The following ABAT variants were observed in gnomAD, a reference collection of about 807,000 sequenced individuals.
The protein encoded by ABAT is 4-aminobutyrate aminotransferase.
Under a neutral mutation model 64.6 loss-of-function variants are expected in ABAT, and 45 were observed. That is an observed-to-expected ratio of 0.70 (90% CI 0.55 to 0.89). The LOEUF (loss-of-function observed/expected upper bound fraction) is 0.89, where lower values mean the gene tolerates loss of function less well. Ranked by LOEUF, ABAT falls within the 40% of genes least tolerant of loss-of-function variation. The probability of loss-of-function intolerance (pLI) is 0.00; values close to 1 mark genes in which losing one functional copy is unlikely to be tolerated. For synonymous variants in ABAT, 297 were observed against 250.5 expected, an observed-to-expected ratio of 1.19 and a Z score of -1.75; for missense variants, 633 against 658.4, an observed-to-expected ratio of 0.96 and a Z score of 0.42.
At chr16:8,716,510 G>A (rs556464233) in intron 1 of ABAT, among the ~76,000 whole-genome samples, 3 of 152,068 alleles carry the variant, frequency 2.0e-5, no homozygotes, top group Admixed American at 6.6e-5. Context: ...TTTTTCTTCT[G>A]TACCCAGGGC....
At position 8,759,927 on chromosome 16, in the gene ABAT, T is replaced by G. The variant is rs1207451246; in HGVS notation, c.366+2121T>G. On this transcript the variant is annotated intron_variant, in intron 6 of 15. Transcript: ENST00000268251. ...TCGTCTGGCTTATTTCATTCAAAATTACGTCTGGGTGATTCCTCCTGGTGT... is the reference window on the plus strand; with the variant it reads ...TCGTCTGGCTTATTTCATTCAAAATGACGTCTGGGTGATTCCTCCTGGTGT... Among the ~76,000 whole-genome samples the G allele has an allele frequency of 3.9e-5, 6 of 152,208 alleles. No individual in the cohort carries two copies. The South Asian group carries it at 1.2e-3, about 32-fold the overall frequency.
At chr16:8,742,023 G>A (rs569605881) in intron 2 of ABAT, among the ~76,000 whole-genome samples, 66 of 152,236 alleles carry the variant, frequency 4.3e-4, no homozygotes, top group South Asian at 8.3e-4. Flanking sequence ...TTCTGATAGC[G>A]CAGTTGCAAA....
intron 1 of ABAT, among the ~76,000 whole-genome samples, chr16:8,720,248 C>T (rs567625413): frequency 6.6e-6 from 1 of 152,338 alleles, no homozygotes; most frequent in African/African-American, 2.4e-5. Flanking sequence ...AGATTTCATT[C>T]TTCCCATTTT....
In ABAT at chr16:8,736,091, A is replaced by G. The variant is rs1034085969; in HGVS notation, c.70+282A>G. On this transcript the variant is annotated intron_variant, in intron 2 of 15. Transcript: ENST00000268251. ...AAGGAGGAACAAAGGCACGTCTTACATGGCTACAGGCAAGAGAGCATGTGC... is the reference window on the plus strand; with the variant it reads ...AAGGAGGAACAAAGGCACGTCTTACGTGGCTACAGGCAAGAGAGCATGTGC... The G allele has an allele frequency of 1.5e-5, 7 of 457,334 alleles. 1 individual carries two copies. Among genetic ancestry groups the G allele is most frequent in the South Asian group, 1.1e-4 (5 of 46,196 alleles). 28.3% of individuals were successfully genotyped at this position (457,334 alleles called of 1,614,324 possible). A position where few individuals can be genotyped will look rare whatever the true frequency, so the allele number is the denominator to read the frequency against.
At chr16:8,727,095 C>T (rs893825180) in intron 1 of ABAT, among the ~76,000 whole-genome samples, 1 of 151,722 alleles carries the variant, frequency 6.6e-6, no homozygotes, top group African/African-American at 2.4e-5. Context: ...GTTATTAATC[C>T]CTTGTGAGAG....
At chr16:8,745,838 G>C (rs1177392585) in intron 2 of ABAT, among the ~76,000 whole-genome samples, 163 bp from the exon 3 acceptor site, 1 of 152,164 alleles carries the variant, frequency 6.6e-6, no homozygotes, top group African/African-American at 2.4e-5. Context: ...TCCTTGTGGT[G>C]GCCCAGTTGG....
chr16:8,748,038 A>G (rs368721800), intron 3 of ABAT, 70 bp from the exon 4 acceptor site: 2 of 1,478,446 alleles, frequency 1.4e-6, no homozygotes, highest in East Asian at 2.3e-5. Flanking sequence ...TTGGGAAAAC[A>G]TGAAAGATTT....
chr16:8,739,649 G>A (rs2059103436), intron 2 of ABAT, among the ~76,000 whole-genome samples: 1 of 152,132 alleles, frequency 6.6e-6, no homozygotes, highest in Admixed American at 6.6e-5. Context: ...AACCCAGGAG[G>A]CGGAGGTTAT....
chr16:8,705,007 C>G (rs1258836350), intron 1 of ABAT, among the ~76,000 whole-genome samples: 2 of 152,130 alleles, frequency 1.3e-5, no homozygotes, highest in South Asian at 2.1e-4. Flanking sequence ...CTGAACATCT[C>G]TGAGCATAGA....
chr16:8,698,976 G>T (rs1435014918), intron 1 of ABAT, among the ~76,000 whole-genome samples: 2 of 152,044 alleles, frequency 1.3e-5, no homozygotes, highest in Non-Finnish European at 2.9e-5. Flanking sequence ...CAAAAAATAA[G>T]TAGTGCTGCA....
At position 8,783,149 on chromosome 16, in the gene ABAT, C is replaced by A. The variant is rs548570851; in HGVS notation, c.*1719C>A. The A allele has an allele frequency of 2.0e-5, 3 of 152,280 alleles. No homozygotes were observed. The South Asian group carries it at 6.2e-4, about 32-fold the overall frequency. The allele number at this position is 152,280 out of a possible 1,614,324, so 9.4% of individuals were successfully genotyped here. A position where few individuals can be genotyped will look rare whatever the true frequency, so the allele number is the denominator to read the frequency against. On this transcript the variant is annotated 3_prime_UTR_variant, in exon 16 of 16. Transcript: ENST00000268251. ...CAGCCAAGTGGTGATGTATGCCTCC[C>A]ACTCTCTGCAAGGTTTTCCTCATTT...
chr16:8,753,928 C>T (rs997011314), intron 5 of ABAT, among the ~76,000 whole-genome samples: 2 of 152,078 alleles, frequency 1.3e-5, no homozygotes, highest in African/African-American at 4.8e-5. Flanking sequence ...TACCTGTCTC[C>T]ACTGGCTGAT....
At chr16:8,700,145 G>C (rs2057787692) in intron 1 of ABAT, among the ~76,000 whole-genome samples, 1 of 152,020 alleles carries the variant, frequency 6.6e-6, no homozygotes. Flanking sequence ...CTTGATGCTT[G>C]TCCTGAACGC....
chr16:8,733,969 T>C (rs542965348), intron 1 of ABAT, among the ~76,000 whole-genome samples: 1 of 152,328 alleles, frequency 6.6e-6, no homozygotes, highest in East Asian at 1.9e-4. Flanking sequence ...TAACAGGATT[T>C]CCTCCTTTTT....
chr16:8,731,080 A>G, intron 1 of ABAT, among the ~76,000 whole-genome samples: 1 of 152,240 alleles, frequency 6.6e-6, no homozygotes, highest in South Asian at 2.1e-4. Flanking sequence ...CTTGTGCCTC[A>G]GACTCCTGAG....
chr16:8,699,687 G>A (rs1327547054), intron 1 of ABAT, among the ~76,000 whole-genome samples: 1 of 151,594 alleles, frequency 6.6e-6, no homozygotes, highest in Non-Finnish European at 1.5e-5. Context: ...CCATCCTCCT[G>A]AGTAGCTGGG....
chr16:8,769,462 G>C (rs572551097), intron 11 of ABAT, among the ~76,000 whole-genome samples: 2 of 151,158 alleles, frequency 1.3e-5, no homozygotes, highest in African/African-American at 4.9e-5. Context: ...GGGAGGCTGA[G>C]GCACAAGAAT....
At chr16:8,713,867 T>G (rs2058136571) in intron 1 of ABAT, 1 of 455,998 alleles carries the variant, frequency 2.2e-6, no homozygotes, top group African/African-American at 2.0e-5. Flanking sequence ...CCAGGCACCG[T>G]GAGTGCAAAT....
chr16:8,676,093 A>G (rs1372540903), intron 1 of ABAT, among the ~76,000 whole-genome samples: 8 of 152,056 alleles, frequency 5.3e-5, no homozygotes, highest in Admixed American at 5.2e-4. Context: ...GGGAGGCAGG[A>G]GAGAGGGAGG....
Sources: allele counts gnomAD v4.1 joint callset (sites outside exome capture counted in the v4.1 genomes callset), GRCh38; gene constraint gnomAD v4.1.1; transcripts MANE v1.5; gene names NCBI Gene and HGNC (gene_info 2026-07-23, HGNC 2026-07-21).